The following HDAC11 variants were observed in gnomAD, a reference collection of about 807,000 sequenced individuals.
The protein encoded by HDAC11 is histone deacetylase 11.
In HDAC11, 23 loss-of-function variants were observed where a neutral mutation model predicts 41.1. The ratio of observed to expected loss-of-function variants is 0.56; its 90% confidence interval spans 0.40 to 0.79. The LOEUF is 0.79. HDAC11 is among the 30% of genes least tolerant of loss of function. The pLI, the probability that HDAC11 is intolerant of heterozygous loss-of-function variation, is 0.00. For synonymous variants in HDAC11, 187 were observed against 186.6 expected, an observed-to-expected ratio of 1.00 and a Z score of -0.02; for missense variants, 402 against 477.3, an observed-to-expected ratio of 0.84 and a Z score of 1.47.
rs1293309041 is a variant in HDAC11 at position 13,502,105 on chromosome 3, C to T, written c.552+172C>T. On this transcript the variant is annotated intron_variant, in intron 7 of 9. Transcript: ENST00000295757. This position sits in a 1 kb window ranked among gnomAD's most constrained non-coding sequence, Gnocchi z 4.1. ...GTCTTTGTCACTCTGTCCAGGACAG[C>T]GGGTCCTCCTCATTGCTCCCGAGGG... 1.2e-5 allele frequency: 7 copies of T among 595,596 alleles called. No homozygotes were observed. Among genetic ancestry groups the T allele is most frequent in the South Asian group, 2.2e-5 (1 of 45,532 alleles). 36.9% of individuals were successfully genotyped at this position (595,596 alleles called of 1,614,324 possible).
intron 6 of HDAC11, 44 bp downstream of exon 6, chr3:13,500,833 T>A: frequency 7.3e-7 from 1 of 1,365,066 alleles, no homozygotes; most frequent in South Asian, 1.4e-5. Context: ...AGAGCCCTCC[T>A]GGAATCCTCC....
chr3:13,496,171 A>AC (rs576188127), intron 3 of HDAC11, among the ~76,000 whole-genome samples: 11 of 151,626 alleles, frequency 7.3e-5, no homozygotes, highest in South Asian at 2.1e-4. Context: ...GGTACCGTAG[A>AC]CCCCCCCAGC....
intron 3 of HDAC11, among the ~76,000 whole-genome samples, chr3:13,483,810 A>T (rs1466214622): frequency 6.6e-6 from 1 of 152,156 alleles, no homozygotes; most frequent in African/African-American, 2.4e-5. Flanking sequence ...TCCAGGGCGT[A>T]TGAAAGCCTT....
At chr3:13,486,726 T>C (rs933622695) in intron 3 of HDAC11, among the ~76,000 whole-genome samples, 1 of 151,954 alleles carries the variant, frequency 6.6e-6, no homozygotes, top group Non-Finnish European at 1.5e-5. Context: ...TACAGGCACC[T>C]GCCACCATGC....
chr3:13,486,399 C>T (rs948720119), intron 3 of HDAC11, among the ~76,000 whole-genome samples: 7 of 150,714 alleles, frequency 4.6e-5, no homozygotes, highest in Admixed American at 6.6e-5. Context: ...GCATTTGAGT[C>T]GTGGAAGATT....
At chr3:13,482,044 T>A (rs1016660591) in intron 2 of HDAC11, among the ~76,000 whole-genome samples, 4 of 152,224 alleles carry the variant, frequency 2.6e-5, no homozygotes, top group African/African-American at 9.6e-5. Context: ...ACTGGCTGCC[T>A]GCTTGTGACC....
chr3:13,494,868 G>A (rs540134220), intron 3 of HDAC11, among the ~76,000 whole-genome samples: 8 of 152,196 alleles, frequency 5.3e-5, no homozygotes, highest in Admixed American at 5.2e-4. Flanking sequence ...GCTGGGGCCT[G>A]ACTTAGGGTG....
At chr3:13,487,183 A>G (rs1701635281) in intron 3 of HDAC11, among the ~76,000 whole-genome samples, 1 of 152,128 alleles carries the variant, frequency 6.6e-6, no homozygotes, top group South Asian at 2.1e-4. Flanking sequence ...CGTTTCAGAC[A>G]TCATCTGGCA....
In HDAC11 at chr3:13,502,978, A is replaced by G; in HGVS notation, c.647A>G (p.Lys216Arg). 1 of 1,611,842 alleles carries G rather than the reference A, an allele frequency of 6.2e-7. No individual in the cohort carries two copies. The highest frequency in any genetic ancestry group is 1.3e-5 in the African/African-American group (1 of 74,988). Residue 216 changes from lysine to arginine, a missense_variant and splice_region_variant, in exon 8 of 10, where the codon AAG (lysine) becomes AGG (arginine). Coordinates refer to ENST00000295757, the MANE Select transcript of HDAC11 (RefSeq NM_024827.4). This position sits in a 1 kb window ranked among gnomAD's most constrained non-coding sequence, Gnocchi z 4.1. ...RHIYPGDRFA[K>R]QAIRRKVELE... ...ATCTACCCAGGGGACCGCTTTGCCA[A>G]GCGTAAGCTGCTGCCCCTACCCTCA...
chr3:13,488,756 T>A (rs1307386548), intron 3 of HDAC11, among the ~76,000 whole-genome samples: 4 of 152,222 alleles, frequency 2.6e-5, no homozygotes, highest in Non-Finnish European at 5.9e-5. Flanking sequence ...TTTCAGTTAT[T>A]TGGGGTATAC....
intron 3 of HDAC11, among the ~76,000 whole-genome samples, chr3:13,492,188 G>T (rs544570024): frequency 1.3e-5 from 2 of 152,228 alleles, no homozygotes; most frequent in Non-Finnish European, 2.9e-5. Flanking sequence ...TCTCTGGGGC[G>T]TGAATGTCAC....
chr3:13,491,741 G>A (rs1483430220), intron 3 of HDAC11, among the ~76,000 whole-genome samples: 4 of 152,252 alleles, frequency 2.6e-5, no homozygotes, highest in Non-Finnish European at 5.9e-5. Flanking sequence ...AGGTATGGGG[G>A]CCCTGATAGC....
rs10667297 is a variant in HDAC11, at chr3:13,497,854, C to CTTTTTTTTTT, written c.370-649_370-640dup. 1.3e-4 allele frequency among the ~76,000 whole-genome samples: 14 copies of CTTTTTTTTTT among 106,080 alleles called. 2 individuals are homozygous for CTTTTTTTTTT. The highest frequency in any genetic ancestry group is 2.2e-4 in the African/African-American group (6 of 26,994). 69.6% of individuals were successfully genotyped at this position (106,080 alleles called of 152,430 possible). A position where few individuals can be genotyped will look rare whatever the true frequency, so the allele number is the denominator to read the frequency against. ...TTAGTCTACTATATTTCTTTTTTTGCTTTTTTTTTTTTTTTTTTTGAGACA... is the reference window on the plus strand; with the variant it reads ...TTAGTCTACTATATTTCTTTTTTTGCTTTTTTTTTTTTTTTTTTTTTTTTTTTTTGAGACA... On this transcript the variant is annotated intron_variant, in intron 4 of 9. Coordinates refer to ENST00000295757, the MANE Select transcript of HDAC11 (RefSeq NM_024827.4).
rs1702579897 is a variant in HDAC11, at chr3:13,505,497, G to A, written c.*814G>A. On this transcript the variant is annotated 3_prime_UTR_variant, in exon 10 of 10. Transcript: ENST00000295757. The stretch of plus-strand genomic sequence containing the variant: ...GCCCTGTCGCCTCCAGGGGGCCGCT[G>A]ACCCAGGTGGGGAGAGGGCAGAAGA... 6.5e-6 allele frequency: 1 copy of A among 152,876 alleles called. No individual in the cohort carries two copies. Among genetic ancestry groups the A allele is most frequent in the South Asian group, 2.1e-4 (1 of 4,870 alleles). The allele number at this position is 152,876 out of a possible 1,614,324, so 9.5% of individuals were successfully genotyped here.
intron 4 of HDAC11, among the ~76,000 whole-genome samples, chr3:13,497,980 C>A (rs1229933832): frequency 6.6e-6 from 1 of 151,204 alleles, no homozygotes; most frequent in Non-Finnish European, 1.5e-5. Flanking sequence ...CTCAGCCTCC[C>A]GAGTAGCTGG....
intron 4 of HDAC11, among the ~76,000 whole-genome samples, chr3:13,497,870 T>TG (rs892373525): frequency 4.1e-5 from 6 of 147,646 alleles, no homozygotes; most frequent in African/African-American, 1.5e-4. Context: ...TTTTTTTTTT[T>TG]TTTGAGACAG....
chr3:13,480,797 G>T lies in HDAC11; in HGVS notation c.2+448G>T. The stretch of plus-strand genomic sequence containing the variant: ...AGGTTGGGTCCCGACTTGGGTTTCT[G>T]AGTGCTTACTGTGCTCAGCTCCTCA... On this transcript the variant is annotated intron_variant, in intron 1 of 9. Transcript: ENST00000295757. This position sits in a 1 kb window ranked among gnomAD's most constrained non-coding sequence, Gnocchi z 4.6. 2.3e-6 allele frequency: 1 copy of T among 442,606 alleles called. No homozygotes were observed. Among genetic ancestry groups the T allele is most frequent in the Non-Finnish European group, 4.7e-6 (1 of 214,870 alleles). 27.4% of individuals were successfully genotyped at this position (442,606 alleles called of 1,614,324 possible).
At chr3:13,488,221 T>G (rs1247781608) in intron 3 of HDAC11, among the ~76,000 whole-genome samples, 1 of 152,222 alleles carries the variant, frequency 6.6e-6, no homozygotes, top group East Asian at 1.9e-4. Flanking sequence ...TTCTCTTCCC[T>G]GAGGGGCTCC....
rs770996456 is a variant in HDAC11 at position 13,502,928 on chromosome 3, C to T, written c.597C>T (p.Tyr199=). The T allele has an allele frequency of 6.2e-7, 1 of 1,613,610 alleles. No homozygotes were observed. Among genetic ancestry groups the T allele is most frequent in the South Asian group, 1.1e-5 (1 of 91,074 alleles). The change falls in exon 8 of 10, where the codon TAC becomes TAT. Residue 199 remains tyrosine (Y), a synonymous_variant. Transcript: ENST00000295757. The surrounding 1 kb of genome is among the most constrained non-coding windows in gnomAD (Gnocchi z 4.1). ...ERDFMDDKRV[Y]IMDVYNRHIY... is the part of the protein sequence containing the mutation. The stretch of plus-strand genomic sequence containing the variant: ...ACTTCATGGACGACAAGCGTGTGTA[C>T]ATCATGGATGTCTACAACCGCCACA...
Sources: gnomAD v4.1 joint callset for allele counts (sites outside exome capture counted in the v4.1 genomes callset) on GRCh38, gnomAD v4.1.1 for gene constraint, Gnocchi (gnomAD v3.1) non-coding constraint, MANE v1.5 for transcripts, NCBI Gene and HGNC (gene_info 2026-07-23, HGNC 2026-07-21) for gene names.